ADAM32: variants seen among roughly 807,000 people sequenced by gnomAD.
ADAM32 encodes ADAM metallopeptidase domain 32, also known as disintegrin and metalloproteinase domain-containing protein 32.
In ADAM32, 89 loss-of-function variants were observed where a neutral mutation model predicts 114.9. That is an observed-to-expected ratio of 0.77 (90% CI 0.65 to 0.92). The LOEUF (loss-of-function observed/expected upper bound fraction) is 0.92, where lower values mean the gene tolerates loss of function less well. ADAM32 is among the 40% of genes least tolerant of loss of function. The probability of loss-of-function intolerance (pLI) is 0.00; values close to 1 mark genes in which losing one functional copy is unlikely to be tolerated. For missense variants in ADAM32, 870 were observed against 932.8 expected (o/e 0.93, Z 0.88); for synonymous variants, 285 against 307.5 (o/e 0.93, Z 0.77).
At chr8:39,186,819 A>G (rs1471396302) in intron 10 of ADAM32, 90 bp from the exon 11 acceptor site, 1 of 1,109,156 alleles carries the variant, frequency 9.0e-7, no homozygotes, top group African/African-American at 1.6e-5. Flanking sequence ...AGCATTTGAT[A>G]AAATAATAAA....
chr8:39,183,811 T>C (rs13264834), intron 10 of ADAM32, among the ~76,000 whole-genome samples: 25,019 of 152,194 alleles, frequency 0.16, 2,575 homozygotes, highest in South Asian at 0.31. Context: ...TTTCTATAAA[T>C]ACTAGGCCAC....
intron 10 of ADAM32, among the ~76,000 whole-genome samples, chr8:39,178,784 A>G (rs1805669783): frequency 6.6e-6 from 1 of 151,918 alleles, no homozygotes; most frequent in Non-Finnish European, 1.5e-5. Context: ...CCACTCTTTC[A>G]TAGGGCTGCT....
At chr8:39,108,036 G>A (rs1016208000) in intron 1 of ADAM32, 36 of 625,832 alleles carry the variant, frequency 5.8e-5, no homozygotes, top group Admixed American at 1.2e-4. Flanking sequence ...GTAATCCCAG[G>A]GCTTTGAGAG....
At chr8:39,274,623 G>T (rs968792010) in intron 21 of ADAM32, among the ~76,000 whole-genome samples, 1 of 152,180 alleles carries the variant, frequency 6.6e-6, no homozygotes, top group Admixed American at 6.5e-5. Context: ...TAAAGAAAAA[G>T]AATGTATAGG....
At chr8:39,109,084 A>C (rs528458386) in intron 1 of ADAM32, among the ~76,000 whole-genome samples, 1 of 152,328 alleles carries the variant, frequency 6.6e-6, no homozygotes, top group Admixed American at 6.5e-5. Context: ...AACACATACA[A>C]AATTTTAATG....
intron 10 of ADAM32, among the ~76,000 whole-genome samples, chr8:39,184,423 C>T (rs953533872): frequency 3.9e-5 from 6 of 152,156 alleles, no homozygotes; most frequent in Non-Finnish European, 7.4e-5. Flanking sequence ...TAGGACATAT[C>T]TGAAGTTCTT....
At chr8:39,281,505 C>T (rs1813414813) in intron 23 of ADAM32, among the ~76,000 whole-genome samples, 1 of 152,148 alleles carries the variant, frequency 6.6e-6, no homozygotes, top group Admixed American at 6.5e-5. Flanking sequence ...TTCTGGGATA[C>T]ACAAAGGGGA....
At chr8:39,127,499 G>C (rs1407098608) in intron 2 of ADAM32, among the ~76,000 whole-genome samples, 1 of 152,118 alleles carries the variant, frequency 6.6e-6, no homozygotes, top group Non-Finnish European at 1.5e-5. Flanking sequence ...ATGATTGTTT[G>C]TATTTCTGTG....
chr8:39,196,004 C>T (rs1318894466), intron 11 of ADAM32, among the ~76,000 whole-genome samples: 1 of 152,032 alleles, frequency 6.6e-6, no homozygotes, highest in Admixed American at 6.6e-5. Flanking sequence ...TTTTTGTTCT[C>T]TTTAATTTTT....
intron 3 of ADAM32, among the ~76,000 whole-genome samples, chr8:39,143,799 A>T (rs1201476997): frequency 6.6e-6 from 1 of 152,130 alleles, no homozygotes; most frequent in East Asian, 1.9e-4. Context: ...CTTTTGTTCT[A>T]CTATGCCCTG....
chr8:39,230,817 G>A (rs1051745264), intron 14 of ADAM32, among the ~76,000 whole-genome samples: 1 of 152,094 alleles, frequency 6.6e-6, no homozygotes, highest in Non-Finnish European at 1.5e-5. Flanking sequence ...AGAATGGAGA[G>A]GGATTAGATG....
chr8:39,175,797 T>G (rs1354395062), intron 10 of ADAM32, among the ~76,000 whole-genome samples: 1 of 152,060 alleles, frequency 6.6e-6, no homozygotes, highest in African/African-American at 2.4e-5. Flanking sequence ...AGCTGTAAAT[T>G]TTTCTGGTCC....
At chr8:39,205,155 G>T (rs574938899) in intron 11 of ADAM32, among the ~76,000 whole-genome samples, 20 of 152,220 alleles carry the variant, frequency 1.3e-4, no homozygotes, top group Non-Finnish European at 2.4e-4. Context: ...CTCCAAAGCT[G>T]TCAGACAGGG....
rs1227723256 is a variant in ADAM32, at chr8:39,240,381, A to T, written c.1819-5702A>T. 2.0e-5 allele frequency among the ~76,000 whole-genome samples: 3 copies of T among 152,254 alleles called. No individual in the cohort carries two copies. The East Asian group carries it at 5.8e-4, about 29-fold the overall frequency. On this transcript the variant is annotated intron_variant, in intron 16 of 24. Transcript: ENST00000379907. Reference sequence around the variant, plus strand: ...TAAAAACTTCTTTGAACTGAATGATAATAGTGACACAACCCATCCAATCCT... The same window carrying T: ...TAAAAACTTCTTTGAACTGAATGATTATAGTGACACAACCCATCCAATCCT...
chr8:39,273,803 A>AT (rs79487994), intron 20 of ADAM32, among the ~76,000 whole-genome samples: 132 of 146,586 alleles, frequency 9.0e-4, no homozygotes, highest in Admixed American at 4.0e-3. Flanking sequence ...TGTGTGTGTG[A>AT]TTTTTTTTTT....
intron 16 of ADAM32, among the ~76,000 whole-genome samples, chr8:39,234,597 T>C (rs1356078468): frequency 6.6e-6 from 1 of 151,690 alleles, no homozygotes; most frequent in Non-Finnish European, 1.5e-5. Context: ...ATTGTGAAGA[T>C]TAAATGAGAT....
Position 39,142,456 on chromosome 8 carries a change from T to C in ADAM32, c.201-4674T>C, listed in dbSNP as rs569613334. ...GTAAAGTATTTTATTTCTCCTTCAC[T>C]TATGAAGCTTAATTTGGCTGGATAT... On this transcript the variant is annotated intron_variant, in intron 3 of 24. Transcript: ENST00000379907. 5.3e-5 allele frequency among the ~76,000 whole-genome samples: 8 copies of C among 152,338 alleles called. No individual in the cohort carries two copies. The South Asian group carries it at 1.7e-3, about 32-fold the overall frequency.
In ADAM32 at chr8:39,151,363, T is replaced by C; in HGVS notation, c.354-14T>C. 1 of 1,561,238 alleles carries C rather than the reference T, an allele frequency of 6.4e-7. No homozygotes were observed. The highest frequency in any genetic ancestry group is 8.6e-7 in the Non-Finnish European group (1 of 1,159,268). On this transcript the variant is annotated splice_polypyrimidine_tract_variant and intron_variant, in intron 5 of 24. Transcript: ENST00000379907. ...TGATTAAAAGCACTTAAAATTGTAT[T>C]CATAATTTCACAGAGGAATACTGCA...
At chr8:39,275,722 GAGA>G in intron 21 of ADAM32, 103 bp from the exon 22 acceptor site, 36 of 1,043,286 alleles carry the variant, frequency 3.5e-5, no homozygotes, top group Non-Finnish European at 4.7e-5. Flanking sequence ...ATTCTTGGTA[GAGA>G]AGAATTAACA....
Sources: allele counts gnomAD v4.1 joint callset (sites outside exome capture counted in the v4.1 genomes callset), GRCh38; gene constraint gnomAD v4.1.1; transcripts MANE v1.5; gene names NCBI Gene and HGNC (gene_info 2026-07-23, HGNC 2026-07-21).